Variants in EPB41L1 observed in about 807,000 individuals in gnomAD.
The protein encoded by EPB41L1 is erythrocyte membrane protein band 4.1 like 1.
Under a neutral mutation model 97.8 loss-of-function variants are expected in EPB41L1, and 29 were observed. That is an observed-to-expected ratio of 0.30 (90% CI 0.22 to 0.40). EPB41L1 has a LOEUF of 0.40. Ranked by LOEUF, EPB41L1 falls within the 10% of genes least tolerant of loss-of-function variation. The pLI, the probability that EPB41L1 is intolerant of heterozygous loss-of-function variation, is 1.00. For missense variants in EPB41L1, 812 were observed against 1,162.3 expected (o/e 0.70, Z 4.38); for synonymous variants, 383 against 459.2 (o/e 0.83, Z 2.12).
intron 21 of EPB41L1, 47 bp downstream of exon 21, chr20:36,222,441 T>C (rs776892374): frequency 2.0e-6 from 3 of 1,467,348 alleles, no homozygotes; most frequent in South Asian, 2.3e-5. Flanking sequence ...GAGGGAGCAG[T>C]AGCAAGATCC....
chr20:36,101,001 G>A (rs540361609), intron 1 of EPB41L1, among the ~76,000 whole-genome samples: 2 of 152,266 alleles, frequency 1.3e-5, no homozygotes, highest in South Asian at 4.2e-4. Context: ...GAAGGTACTT[G>A]CCTTTTTTCC....
chr20:36,123,524 T>C (rs1164947921), intron 2 of EPB41L1, among the ~76,000 whole-genome samples: 2 of 152,202 alleles, frequency 1.3e-5, no homozygotes, highest in African/African-American at 4.8e-5. Context: ...CGCTGCAACC[T>C]CCGCCTCCTG....
At position 36,207,091 on chromosome 20, in the gene EPB41L1, G is replaced by C. The variant is rs761045174; in HGVS notation, c.1669-2397G>C. The stretch of plus-strand genomic sequence containing the variant: ...CATGGAGGTGATCATTCCCCTGCCA[G>C]CCTCCCCTGGTCATTCTGAGGACCT... On this transcript the variant is annotated intron_variant, in intron 14 of 21. Transcript: ENST00000338074. The surrounding 1 kb of genome is among the most constrained non-coding windows in gnomAD (Gnocchi z 4.9). The C allele has an allele frequency of 3.9e-6, 5 of 1,289,172 alleles. No homozygotes were observed. In the South Asian group the frequency reaches 6.2e-5, roughly 16 times the overall value. 79.9% of individuals were successfully genotyped at this position (1,289,172 alleles called of 1,614,324 possible).
At chr20:36,224,598 A>G (rs968264033) in intron 21 of EPB41L1, among the ~76,000 whole-genome samples, 2 of 152,216 alleles carry the variant, frequency 1.3e-5, no homozygotes, top group African/African-American at 4.8e-5. Flanking sequence ...GTGAGCTGAG[A>G]TGGCACTATT....
At chr20:36,146,646 G>T (rs2059843481) in intron 2 of EPB41L1, among the ~76,000 whole-genome samples, 1 of 152,168 alleles carries the variant, frequency 6.6e-6, no homozygotes, top group Admixed American at 6.6e-5. Flanking sequence ...ATGAAGAGAG[G>T]ACTGAAAAGA....
At position 36,221,751 on chromosome 20, in the gene EPB41L1, G is replaced by A. The variant is rs980175485; in HGVS notation, c.2440-113G>A. ...AAAATCTGAGGAAGTCAGGAGAGAAGGTAACTGCTGGTTCTCAGCCCTGCC... is the reference window on the plus strand; with the variant it reads ...AAAATCTGAGGAAGTCAGGAGAGAAAGTAACTGCTGGTTCTCAGCCCTGCC... On this transcript the variant is annotated intron_variant, in intron 19 of 21. Transcript: ENST00000338074. The A allele has an allele frequency of 2.1e-5, 19 of 889,072 alleles. No individual in the cohort carries two copies. In the East Asian group the frequency reaches 4.6e-4, roughly 22 times the overall value. 55.1% of individuals were successfully genotyped at this position (889,072 alleles called of 1,614,324 possible).
At chr20:36,210,387 A>G (rs2063064597) in intron 15 of EPB41L1, among the ~76,000 whole-genome samples, 1 of 151,696 alleles carries the variant, frequency 6.6e-6, no homozygotes, top group South Asian at 2.1e-4. Context: ...AAGAGAGGAA[A>G]TGTGGTCATT....
intron 1 of EPB41L1, among the ~76,000 whole-genome samples, chr20:36,169,720 C>T (rs2060903035): frequency 6.6e-6 from 1 of 152,210 alleles, no homozygotes; most frequent in African/African-American, 2.4e-5. Flanking sequence ...AAATGGCTCC[C>T]TTTTTTCAAC....
intron 2 of EPB41L1, among the ~76,000 whole-genome samples, chr20:36,124,330 C>T (rs1361755022): frequency 6.6e-6 from 1 of 152,188 alleles, no homozygotes; most frequent in African/African-American, 2.4e-5. Flanking sequence ...CTTTCCTCTG[C>T]CCTTAGAATA....
At chr20:36,128,178 C>A (rs1405390860) in intron 2 of EPB41L1, among the ~76,000 whole-genome samples, 1 of 152,128 alleles carries the variant, frequency 6.6e-6, no homozygotes, top group Non-Finnish European at 1.5e-5. Flanking sequence ...GTTGCAGTCT[C>A]CCCATCTATC....
At chr20:36,213,093 C>G (rs1393007209) in intron 16 of EPB41L1, among the ~76,000 whole-genome samples, 1 of 152,146 alleles carries the variant, frequency 6.6e-6, no homozygotes, top group Non-Finnish European at 1.5e-5. Context: ...TGAGACTAAC[C>G]TTTTCCTGAA....
intron 1 of EPB41L1, among the ~76,000 whole-genome samples, chr20:36,171,800 CA>C (rs2061001243): frequency 6.6e-6 from 1 of 152,180 alleles, no homozygotes; most frequent in Non-Finnish European, 1.5e-5. Context: ...GTCTGTCTAT[CA>C]GAGGCCTCCC....
upstream of EPB41L1, among the ~76,000 whole-genome samples, chr20:36,153,553 G>A (rs78118780): frequency 0.011 from 1,633 of 152,210 alleles, 33 homozygotes; most frequent in African/African-American, 0.037. Flanking sequence ...GGGGGTTCGC[G>A]GTCATATGGG....
In EPB41L1 at chr20:36,222,097, T is replaced by C. The variant is rs147660086; in HGVS notation, c.2520+153T>C. On this transcript the variant is annotated intron_variant, in intron 20 of 21. Coordinates refer to ENST00000338074, the MANE Select transcript of EPB41L1 (RefSeq NM_012156.2). ...ATAAGAAACCCCCAAGAGAGGGGCA[T>C]TGGATGGGAGCCAGAAGGAGCCAGA... is the stretch of plus-strand genomic sequence containing the variant. Among the ~76,000 whole-genome samples, 387 of 152,242 alleles carry C rather than the reference T, an allele frequency of 2.5e-3. 3 individuals carry two copies. The highest frequency in any genetic ancestry group is 0.02 in the East Asian group (103 of 5,178).
rs781009046 is a variant in EPB41L1 at position 36,194,233 on chromosome 20, C to T, written c.1322C>T (p.Ser441Leu). The T allele has an allele frequency of 9.9e-6, 16 of 1,613,900 alleles. No individual in the cohort carries two copies. The highest frequency in any genetic ancestry group is 3.3e-5 in the Admixed American group (2 of 59,998). The change falls in exon 12 of 22, where the codon TCG (serine) becomes TTG (leucine). Residue 441 changes from serine (S) to leucine (L), a missense_variant. Ser to Leu is a moderately radical substitution (Grantham distance 145). Coordinates refer to ENST00000338074, the MANE Select transcript of EPB41L1 (RefSeq NM_012156.2). ...TCAGCAGAGTTCTCCCGCCCAGCCT[C>T]GGTCAGCGAGAACCATGATGCAGGG... The part of the protein sequence containing the change: ...LDGAEFSRPA[S>L]VSENHDAGPD...
At chr20:36,223,610 C>T (rs935687817) in intron 21 of EPB41L1, among the ~76,000 whole-genome samples, 9 of 152,174 alleles carry the variant, frequency 5.9e-5, no homozygotes, top group African/African-American at 2.2e-4. Flanking sequence ...TGATTCCATT[C>T]GTAGGGAGTC....
chr20:36,190,876 A>T lies in EPB41L1; in HGVS notation c.1300+79A>T. 5 of 1,563,498 alleles carry T rather than the reference A, an allele frequency of 3.2e-6. No individual in the cohort carries two copies. Among genetic ancestry groups the T allele is most frequent in the Non-Finnish European group, 3.5e-6 (4 of 1,155,102 alleles). On this transcript the variant is annotated intron_variant, in intron 11 of 21. Coordinates refer to ENST00000338074, the MANE Select transcript of EPB41L1 (RefSeq NM_012156.2). This position sits in a 1 kb window ranked among gnomAD's most constrained non-coding sequence, Gnocchi z 5.8. ...GGAGTGGGCATGCTGGGTTCTGCAG[A>T]ATGAGCAGGAAAATGGTAGATGCAT...
intron 2 of EPB41L1, among the ~76,000 whole-genome samples, chr20:36,142,168 C>A (rs1233561353): frequency 6.6e-6 from 1 of 151,440 alleles, no homozygotes; most frequent in Non-Finnish European, 1.5e-5. Flanking sequence ...GAAATTGGAT[C>A]ATTTGTTACG....
At chr20:36,167,716 TTAATAA>T (rs747803257) in intron 1 of EPB41L1, among the ~76,000 whole-genome samples, 2 of 150,072 alleles carry the variant, frequency 1.3e-5, no homozygotes, top group East Asian at 3.9e-4. Context: ...TCCAATAATA[TTAATAA>T]TAATAATAAT....
Sources: gnomAD v4.1 joint callset for allele counts (sites outside exome capture counted in the v4.1 genomes callset) on GRCh38, gnomAD v4.1.1 for gene constraint, Gnocchi (gnomAD v3.1) non-coding constraint, MANE v1.5 for transcripts, NCBI Gene and HGNC (gene_info 2026-07-23, HGNC 2026-07-21) for gene names.